The following LYRM4 variants were observed in gnomAD, a reference collection of about 807,000 sequenced individuals.
The protein encoded by LYRM4 is LYR motif-containing protein 4.
LYRM4 carries 9 observed loss-of-function variants against 11.7 expected under a neutral mutation model. The observed-to-expected ratio is 0.77, with a 90% CI of 0.46 to 1.34. The LOEUF (loss-of-function observed/expected upper bound fraction) is 1.34, where lower values mean the gene tolerates loss of function less well. LYRM4 is among the 40% of genes most tolerant of loss of function. LYRM4 has a pLI of 0.00. For missense variants in LYRM4, 133 were observed against 112.5 expected, an observed-to-expected ratio of 1.18 and a Z score of -0.82; for synonymous variants, 42 against 40.4, an observed-to-expected ratio of 1.04 and a Z score of -0.15.
chr6:5,253,516 T>C (rs766660302), intron 1 of LYRM4, among the ~76,000 whole-genome samples: 11 of 152,200 alleles, frequency 7.2e-5, no homozygotes, highest in Non-Finnish European at 1.6e-4. Flanking sequence ...GCAATTTTCT[T>C]ATTTGAGCTC....
rs541986488 is a variant in LYRM4 at position 5,193,548 on chromosome 6, G to A, written c.207+23070C>T. 3.3e-5 allele frequency among the ~76,000 whole-genome samples: 5 copies of A among 152,312 alleles called. No homozygotes were observed. In the South Asian group the frequency reaches 8.3e-4, roughly 25 times the overall value. ...TCCTGTTTTGGTCTTTGAAAATGAG[G>A]CAGCAGGGAATCTTGGAGAAGTCAG... On this transcript the variant is annotated intron_variant, in intron 2 of 2. Coordinates refer to ENST00000330636, the MANE Select transcript of LYRM4 (RefSeq NM_020408.6).
chr6:5,115,421 G>A (rs910830991), intron 2 of LYRM4, among the ~76,000 whole-genome samples: 2 of 152,190 alleles, frequency 1.3e-5, no homozygotes, highest in Non-Finnish European at 2.9e-5. Context: ...TGTGCTAAAG[G>A]CCGTATTCTC....
At chr6:5,178,970 C>G (rs987802511) in intron 2 of LYRM4, among the ~76,000 whole-genome samples, 3 of 147,946 alleles carry the variant, frequency 2.0e-5, no homozygotes, top group Non-Finnish European at 4.4e-5. Context: ...ATGCCTTTGT[C>G]AGATTAGAAA....
At chr6:5,164,188 A>T (rs1561841866) in intron 2 of LYRM4, among the ~76,000 whole-genome samples, 1 of 152,330 alleles carries the variant, frequency 6.6e-6, no homozygotes, top group East Asian at 1.9e-4. Context: ...AGTATTTTCT[A>T]CAGCTGGACA....
chr6:5,246,153 G>GT (rs1764187320), intron 1 of LYRM4, among the ~76,000 whole-genome samples: 1 of 152,208 alleles, frequency 6.6e-6, no homozygotes, highest in African/African-American at 2.4e-5. Context: ...AGGAAGGAAA[G>GT]TGTGTTCCAA....
chr6:5,245,089 TAAAAAAAAAA>T lies in LYRM4; in HGVS notation c.86+15549_86+15558del, dbSNP rs71540855. Among the ~76,000 whole-genome samples the T allele has an allele frequency of 5.1e-3, 79 of 15,476 alleles. 5 individuals are homozygous for T. The highest frequency in any genetic ancestry group is 0.027 in the South Asian group (4 of 150). 10.2% of individuals were successfully genotyped at this position (15,476 alleles called of 152,430 possible). ...GCTGACTTTATTTGCAGGAAGACCT[TAAAAAAAAAA>T]AAAAAAAAAAAAAAATATATATATA... On this transcript the variant is annotated intron_variant, in intron 1 of 2. Coordinates refer to ENST00000330636, the MANE Select transcript of LYRM4 (RefSeq NM_020408.6).
the LYRM4 span, chr6:5,085,916 G>A: frequency 3.3e-6 from 5 of 1,530,478 alleles, no homozygotes; most frequent in Non-Finnish European, 1.7e-6. Flanking sequence ...AGCCTGGCCA[G>A]CGTGAAGCAC....
chr6:5,229,103 T>C (rs1763079760), intron 1 of LYRM4, among the ~76,000 whole-genome samples: 1 of 151,692 alleles, frequency 6.6e-6, no homozygotes, highest in Non-Finnish European at 1.5e-5. Context: ...TTTAAAAATA[T>C]TTGTTAAACA....
intron 2 of LYRM4, among the ~76,000 whole-genome samples, chr6:5,195,429 G>A (rs1486931706): frequency 6.6e-6 from 1 of 151,586 alleles, no homozygotes; most frequent in Non-Finnish European, 1.5e-5. Context: ...GGCCAACATG[G>A]TGAAACCCCA....
At chr6:5,111,055 C>A (rs1762858893) in intron 2 of LYRM4, among the ~76,000 whole-genome samples, 1 of 152,178 alleles carries the variant, frequency 6.6e-6, no homozygotes, top group Non-Finnish European at 1.5e-5. Context: ...GCTGGGTGAG[C>A]TGAAGCCATC....
At chr6:5,156,234 GCC>G (rs1260793671) in intron 2 of LYRM4, among the ~76,000 whole-genome samples, 2 of 152,244 alleles carry the variant, frequency 1.3e-5, no homozygotes, top group African/African-American at 4.8e-5. Context: ...GAGGCTCACA[GCC>G]CCTTTTTCTG....
At chr6:5,219,875 A>G (rs1208937306) in intron 1 of LYRM4, among the ~76,000 whole-genome samples, 1 of 152,218 alleles carries the variant, frequency 6.6e-6, no homozygotes, top group Non-Finnish European at 1.5e-5. Flanking sequence ...CTAATGAGTC[A>G]GACGCTGTCT....
chr6:5,252,760 C>T (rs1764493465), intron 1 of LYRM4, among the ~76,000 whole-genome samples: 1 of 152,178 alleles, frequency 6.6e-6, no homozygotes, highest in South Asian at 2.1e-4. Context: ...TGCCCTTCTT[C>T]TTCCTGACTA....
At chr6:5,096,349 T>C in the LYRM4 span, among the ~76,000 whole-genome samples, 1 of 151,916 alleles carries the variant, frequency 6.6e-6, no homozygotes, top group East Asian at 1.9e-4. Context: ...AATTAGCTGG[T>C]TGTAGTGGCG....
chr6:5,071,240 G>A, the LYRM4 span, among the ~76,000 whole-genome samples: 9,638 of 151,748 alleles, frequency 0.064, 438 homozygotes, highest in African/African-American at 0.12. Flanking sequence ...CTTTCCTATC[G>A]TTCCATTTTC....
At chr6:5,132,297 G>A (rs1461320285) in intron 2 of LYRM4, among the ~76,000 whole-genome samples, 2 of 152,154 alleles carry the variant, frequency 1.3e-5, no homozygotes, top group African/African-American at 4.8e-5. Context: ...CCTTAGGAAT[G>A]AGTATATGGA....
chr6:5,181,489 A>G (rs1760071611), intron 2 of LYRM4, among the ~76,000 whole-genome samples: 2 of 152,148 alleles, frequency 1.3e-5, no homozygotes, highest in Non-Finnish European at 2.9e-5. Context: ...TCCAAAGAAA[A>G]CAAAACAAGA....
chr6:5,127,266 G>C (rs1371040676), intron 2 of LYRM4, among the ~76,000 whole-genome samples: 1 of 151,864 alleles, frequency 6.6e-6, no homozygotes, highest in Non-Finnish European at 1.5e-5. Flanking sequence ...TGTACTTTTT[G>C]TTGAGACAGG....
intron 2 of LYRM4, among the ~76,000 whole-genome samples, chr6:5,164,708 C>T (rs1758967918): frequency 6.6e-6 from 1 of 152,030 alleles, no homozygotes; most frequent in African/African-American, 2.4e-5. Context: ...CGGCTCATAC[C>T]TGTAATCCCA....
Sources: allele counts gnomAD v4.1 joint callset (sites outside exome capture counted in the v4.1 genomes callset), GRCh38; gene constraint gnomAD v4.1.1; transcripts MANE v1.5; gene names NCBI Gene and HGNC (gene_info 2026-07-23, HGNC 2026-07-21).